The following SOX5 variants were observed in gnomAD, a reference collection of about 807,000 sequenced individuals.
SOX5 encodes the protein SRY-box transcription factor 5.
Under a neutral mutation model 92.0 loss-of-function variants are expected in SOX5, and 9 were observed. The ratio of observed to expected loss-of-function variants is 0.10; its 90% CI spans 0.06 to 0.17. The LOEUF (loss-of-function observed/expected upper bound fraction) is 0.17, where lower values mean the gene tolerates loss of function less well. Ranked by LOEUF, SOX5 falls within the 10% of genes least tolerant of loss-of-function variation. The probability of loss-of-function intolerance (pLI) is 1.00; values close to 1 mark genes in which losing one functional copy is unlikely to be tolerated. For synonymous variants in SOX5, 344 were observed against 336.3 expected (o/e 1.02, Z -0.25); for missense variants, 642 against 944.5 (o/e 0.68, Z 4.20).
intron 9 of SOX5, among the ~76,000 whole-genome samples, chr12:23,585,922 G>T (rs565300113): frequency 5.9e-5 from 9 of 152,098 alleles, no homozygotes; most frequent in African/African-American, 1.9e-4. Flanking sequence ...AAAGATTCAC[G>T]GGCTATGTAA....
Position 23,981,761 on chromosome 12 carries a change from AAATT to A in SOX5, c.-1-85741_-1-85738del, listed in dbSNP as rs149376918. Among the ~76,000 whole-genome samples the A allele has an allele frequency of 8.5e-3, 1,289 of 152,258 alleles. 20 individuals are homozygous for A. The highest frequency in any genetic ancestry group is 0.026 in the African/African-American group (1,084 of 41,560). On this transcript the variant is annotated intron_variant, in intron 4 of 4. Transcript: ENST00000446891. ...CATCAAGAGGCTAAAGACTGTTATC[AAATT>A]AATTAATTAATTAACAATTAATTCT...
chr12:23,651,964 G>T (rs1049816592), intron 7 of SOX5, among the ~76,000 whole-genome samples: 1 of 151,828 alleles, frequency 6.6e-6, no homozygotes, highest in African/African-American at 2.4e-5. Flanking sequence ...ACATAATTAT[G>T]TCTTTAAATA....
intron 4 of SOX5, among the ~76,000 whole-genome samples, chr12:24,054,446 A>C (rs1379507584): frequency 6.6e-6 from 1 of 152,224 alleles, no homozygotes; most frequent in Non-Finnish European, 1.5e-5. Flanking sequence ...GGCACTACAC[A>C]TGGGCATGGC....
intron 3 of SOX5, among the ~76,000 whole-genome samples, chr12:23,763,847 C>T (rs2141376451): frequency 6.6e-6 from 1 of 152,040 alleles, no homozygotes; most frequent in African/African-American, 2.4e-5. Flanking sequence ...AGCACTGAGC[C>T]CTGTCCTTTA....
chr12:24,142,417 A>G (rs1475541087), intron 4 of SOX5, among the ~76,000 whole-genome samples: 2 of 152,106 alleles, frequency 1.3e-5, no homozygotes, highest in African/African-American at 4.8e-5. Flanking sequence ...TTTGTTCTAG[A>G]CTACACCCAA....
intron 1 of SOX5, among the ~76,000 whole-genome samples, chr12:24,460,338 A>G (rs1317599810): frequency 6.6e-6 from 1 of 152,242 alleles, no homozygotes; most frequent in Non-Finnish European, 1.5e-5. Flanking sequence ...ATCTGCAGAA[A>G]GCATGTCCAA....
intron 4 of SOX5, among the ~76,000 whole-genome samples, chr12:24,090,701 T>G (rs1014846547): frequency 6.6e-6 from 1 of 152,192 alleles, no homozygotes; most frequent in African/African-American, 2.4e-5. Flanking sequence ...ATACTATCAA[T>G]GTAAGATAGA....
chr12:23,937,019 T>A (rs1942724427), intron 1 of SOX5, among the ~76,000 whole-genome samples: 1 of 150,844 alleles, frequency 6.6e-6, no homozygotes. Context: ...CTTTATACTT[T>A]CCTAAATCAC....
intron 7 of SOX5, among the ~76,000 whole-genome samples, chr12:23,659,516 A>G (rs1197396560): frequency 5.3e-5 from 8 of 152,230 alleles, no homozygotes. Flanking sequence ...TATTTAGCAC[A>G]TATCTGAAAA....
intron 10 of SOX5, among the ~76,000 whole-genome samples, chr12:23,570,799 T>C: frequency 6.7e-6 from 1 of 149,314 alleles, no homozygotes; most frequent in African/African-American, 2.5e-5. Flanking sequence ...TAGTCCCAGC[T>C]ACTCTGGAGG....
chr12:24,132,077 A>T (rs76998705), intron 4 of SOX5, among the ~76,000 whole-genome samples: 1 of 152,180 alleles, frequency 6.6e-6, no homozygotes, highest in Non-Finnish European at 1.5e-5. Flanking sequence ...GGCTCTCTTC[A>T]ATCCCTAATG....
rs1248289994 is a variant in SOX5, at chr12:24,068,226, T to G, written c.-2+145117A>C. On this transcript the variant is annotated intron_variant, in intron 4 of 4. Transcript: ENST00000446891. ...TTAAATGAGGCTTCTGTAAAATTTA[T>G]GGATTTTAGTCGTCAATGTGTCCTA... Among the ~76,000 whole-genome samples the G allele has an allele frequency of 2.6e-5, 4 of 152,196 alleles. No homozygotes were observed. The East Asian group carries it at 5.8e-4, about 22-fold the overall frequency.
intron 8 of SOX5, among the ~76,000 whole-genome samples, chr12:23,613,690 A>G (rs769614770): frequency 1.3e-5 from 2 of 152,230 alleles, no homozygotes; most frequent in African/African-American, 4.8e-5. Flanking sequence ...TTAGAAAGAA[A>G]TGAAATTCTG....
At chr12:24,248,412 C>T (rs1027068290) in intron 3 of SOX5, among the ~76,000 whole-genome samples, 2 of 152,152 alleles carry the variant, frequency 1.3e-5, no homozygotes, top group African/African-American at 4.8e-5. Context: ...TCTTTCTTTT[C>T]TTCTTCTTCT....
At chr12:24,106,237 A>T (rs1946652310) in intron 4 of SOX5, among the ~76,000 whole-genome samples, 1 of 152,152 alleles carries the variant, frequency 6.6e-6, no homozygotes, top group Non-Finnish European at 1.5e-5. Flanking sequence ...TAACAAGTCA[A>T]TAATTAAACA....
intron 6 of SOX5, among the ~76,000 whole-genome samples, chr12:23,674,767 C>A (rs1476418796): frequency 6.6e-6 from 1 of 151,630 alleles, no homozygotes; most frequent in African/African-American, 2.4e-5. Flanking sequence ...GTTTTCTGCA[C>A]AAAATATTTT....
At chr12:24,115,425 C>T (rs1182013521) in intron 4 of SOX5, among the ~76,000 whole-genome samples, 1 of 152,118 alleles carries the variant, frequency 6.6e-6, no homozygotes, top group Non-Finnish European at 1.5e-5. Flanking sequence ...TTGTTCCTTG[C>T]AAAGTTTCTT....
chr12:24,437,188 G>A (rs1250656253), intron 1 of SOX5, among the ~76,000 whole-genome samples: 1 of 150,832 alleles, frequency 6.6e-6, no homozygotes, highest in Non-Finnish European at 1.5e-5. Context: ...AAGTCTCAAT[G>A]TAAGAAATAT....
intron 3 of SOX5, among the ~76,000 whole-genome samples, chr12:23,779,570 T>C (rs2095216021): frequency 1.3e-5 from 2 of 151,572 alleles, no homozygotes; most frequent in Admixed American, 6.6e-5. Context: ...AATACAGTCA[T>C]ATTCTGTTTA....
Sources: gnomAD v4.1 joint callset for allele counts (sites outside exome capture counted in the v4.1 genomes callset) on GRCh38, gnomAD v4.1.1 for gene constraint, MANE v1.5 for transcripts, NCBI Gene and HGNC (gene_info 2026-07-23, HGNC 2026-07-21) for gene names.